The following WWOX variants were observed in gnomAD, a reference collection of about 807,000 sequenced individuals.
WWOX encodes the protein WW domain-containing oxidoreductase.
A neutral mutation model predicts 46.2 loss-of-function variants in WWOX; 69 were observed. The ratio of observed to expected loss-of-function variants is 1.49; its 90% CI spans 1.23 to 1.82. The LOEUF (loss-of-function observed/expected upper bound fraction) is 1.82, where lower values mean the gene tolerates loss of function less well. Among genes scored for constraint, WWOX ranks in the 40% most tolerant of loss-of-function variants. The pLI, the probability that WWOX is intolerant of heterozygous loss-of-function variation, is 0.00. For missense variants in WWOX, 919 were observed against 542.6 expected, an observed-to-expected ratio of 1.69 and a Z score of -6.89; for synonymous variants, 359 against 202.6, an observed-to-expected ratio of 1.77 and a Z score of -6.56.
intron 8 of WWOX, among the ~76,000 whole-genome samples, chr16:78,535,820 T>C (rs917586058): frequency 6.6e-6 from 1 of 152,086 alleles, no homozygotes; most frequent in African/African-American, 2.4e-5. Flanking sequence ...TTGGAGGGAA[T>C]CCATCTCCAG....
intron 8 of WWOX, among the ~76,000 whole-genome samples, chr16:78,696,449 C>A (rs985815682): frequency 6.6e-6 from 1 of 152,080 alleles, no homozygotes; most frequent in African/African-American, 2.4e-5. Context: ...CCAGTAGAAA[C>A]CGAACTTTAC....
In WWOX at chr16:79,007,844, T is replaced by A. The variant is rs146606604; in HGVS notation, c.1057-203764T>A. 9.5e-3 allele frequency among the ~76,000 whole-genome samples: 1,442 copies of A among 152,326 alleles called. 23 individuals are homozygous for A. Among genetic ancestry groups the A allele is most frequent in the African/African-American group, 0.033 (1,388 of 41,562 alleles). ...AATCATCATAACCTCTGCCCTTTAT[T>A]AGTCACTCATGGTGTCACAAGCCCT... On this transcript the variant is annotated intron_variant, in intron 8 of 8. Coordinates refer to ENST00000566780, the MANE Select transcript of WWOX (RefSeq NM_016373.4).
At chr16:78,488,734 G>T (rs1490166158) in intron 8 of WWOX, among the ~76,000 whole-genome samples, 1 of 152,166 alleles carries the variant, frequency 6.6e-6, no homozygotes, top group African/African-American at 2.4e-5. Flanking sequence ...ATTAGGAACT[G>T]TGTGACGCTG....
intron 5 of WWOX, among the ~76,000 whole-genome samples, chr16:78,321,380 GCGTATATATATACGTATA>G (rs2080475704): frequency 2.0e-5 from 1 of 49,604 alleles, no homozygotes; most frequent in African/African-American, 2.1e-4. Flanking sequence ...ACGTATATAT[GCGTATATATATACGTATA>G]TATACGTATA....
intron 8 of WWOX, among the ~76,000 whole-genome samples, chr16:78,863,199 C>G (rs990395425): frequency 5.3e-5 from 8 of 152,132 alleles, no homozygotes; most frequent in African/African-American, 1.9e-4. Context: ...CTCAGGTGAT[C>G]CACCCGCCTT....
chr16:78,981,041 G>C (rs897215013), intron 8 of WWOX, among the ~76,000 whole-genome samples: 1 of 152,186 alleles, frequency 6.6e-6, no homozygotes, highest in African/African-American at 2.4e-5. Context: ...GGGCATTTTT[G>C]TATGTCATGC....
chr16:78,206,122 A>C (rs2036387940), intron 5 of WWOX, among the ~76,000 whole-genome samples: 1 of 152,040 alleles, frequency 6.6e-6, no homozygotes, highest in African/African-American at 2.4e-5. Flanking sequence ...GTCTAGGCTA[A>C]GGAGTTTGAA....
intron 8 of WWOX, among the ~76,000 whole-genome samples, chr16:78,486,120 T>A (rs2084630057): frequency 6.6e-6 from 1 of 152,190 alleles, no homozygotes; most frequent in African/African-American, 2.4e-5. Context: ...TGCCGGTAAG[T>A]GTTGAACAAC....
chr16:79,133,713 G>A (rs375502537), intron 8 of WWOX, among the ~76,000 whole-genome samples: 1 of 152,194 alleles, frequency 6.6e-6, no homozygotes, highest in African/African-American at 2.4e-5. Context: ...TTAAAAGCCA[G>A]CAAGTGTTCT....
chr16:78,195,642 C>T (rs765271621), intron 5 of WWOX, among the ~76,000 whole-genome samples: 10 of 151,764 alleles, frequency 6.6e-5, no homozygotes, highest in Admixed American at 2.0e-4. Flanking sequence ...AGCAACATGA[C>T]GAAACCCTGT....
intron 8 of WWOX, among the ~76,000 whole-genome samples, chr16:78,968,665 A>G (rs1241990309): frequency 6.6e-6 from 1 of 152,202 alleles, no homozygotes; most frequent in Non-Finnish European, 1.5e-5. Flanking sequence ...AAGGAGGCTG[A>G]TATCGGGAGA....
intron 5 of WWOX, among the ~76,000 whole-genome samples, chr16:78,334,810 A>ACACACACACGCGCGCGCGCG (rs1567508345): frequency 7.5e-6 from 1 of 133,420 alleles, no homozygotes; most frequent in African/African-American, 3.1e-5. Context: ...ACACACACGC[A>ACACACACACGCGCGCGCGCG]CACACACACA....
chr16:78,566,605 G>C lies in WWOX; in HGVS notation c.1056+133853G>C, dbSNP rs2044574879. On this transcript the variant is annotated intron_variant, in intron 8 of 8. Coordinates refer to ENST00000566780, the MANE Select transcript of WWOX (RefSeq NM_016373.4). Reference sequence around the variant, plus strand: ...AAGTGCTCAGAGGCAGCCGGAAGCTGTGGTTTTTACCTCCCAAGACTGTGC... The same window carrying C: ...AAGTGCTCAGAGGCAGCCGGAAGCTCTGGTTTTTACCTCCCAAGACTGTGC... Among the ~76,000 whole-genome samples the C allele has an allele frequency of 3.3e-5, 5 of 152,188 alleles. No individual in the cohort carries two copies. The South Asian group carries it at 1.0e-3, about 32-fold the overall frequency.
chr16:78,180,839 T>C (rs977614243), intron 5 of WWOX, among the ~76,000 whole-genome samples: 1 of 152,046 alleles, frequency 6.6e-6, no homozygotes, highest in Admixed American at 6.5e-5. Flanking sequence ...TGAGTGCTAG[T>C]GGGTAAATCC....
intron 8 of WWOX, among the ~76,000 whole-genome samples, chr16:78,462,836 C>G (rs928891271): frequency 6.6e-6 from 1 of 152,228 alleles, no homozygotes; most frequent in East Asian, 1.9e-4. Flanking sequence ...GGGGCAGCCA[C>G]ATAGACAACA....
intron 8 of WWOX, among the ~76,000 whole-genome samples, chr16:79,128,503 C>T (rs1437466554): frequency 6.6e-6 from 1 of 152,124 alleles, no homozygotes; most frequent in African/African-American, 2.4e-5. Flanking sequence ...GGTTAAATAA[C>T]TTGGCCAAGG....
intron 8 of WWOX, among the ~76,000 whole-genome samples, chr16:78,447,924 C>G (rs1220952810): frequency 6.6e-6 from 1 of 152,172 alleles, no homozygotes; most frequent in African/African-American, 2.4e-5. Flanking sequence ...CTGCCTCAGC[C>G]TCCCAAGTAG....
intron 8 of WWOX, among the ~76,000 whole-genome samples, chr16:79,073,084 C>G (rs2150568932): frequency 6.6e-6 from 1 of 151,960 alleles, no homozygotes; most frequent in Non-Finnish European, 1.5e-5. Context: ...TTTCCTTTAT[C>G]TAGAAATCCT....
intron 8 of WWOX, among the ~76,000 whole-genome samples, chr16:78,528,429 G>A (rs570115042): frequency 2.5e-4 from 38 of 152,022 alleles, no homozygotes; most frequent in South Asian, 6.2e-4. Flanking sequence ...AAAGTGGCTC[G>A]TATTCAAGGT....
Sources: allele counts gnomAD v4.1 joint callset (sites outside exome capture counted in the v4.1 genomes callset), GRCh38; gene constraint gnomAD v4.1.1; transcripts MANE v1.5; gene names NCBI Gene and HGNC (gene_info 2026-07-23, HGNC 2026-07-21).